Variants in KIFAP3 observed in about 807,000 individuals in gnomAD.
KIFAP3 encodes kinesin associated protein 3, also known as kinesin-associated protein 3.
A neutral mutation model predicts 106.5 loss-of-function variants in KIFAP3; 68 were observed. That is an observed-to-expected ratio of 0.64 (90% CI 0.53 to 0.78). The LOEUF (loss-of-function observed/expected upper bound fraction) is 0.78, where lower values mean the gene tolerates loss of function less well. KIFAP3 is among the 30% of genes least tolerant of loss of function. The probability of loss-of-function intolerance (pLI) is 0.00; values close to 1 mark genes in which losing one functional copy is unlikely to be tolerated. For missense variants in KIFAP3, 780 were observed against 941.8 expected, an observed-to-expected ratio of 0.83 and a Z score of 2.25; for synonymous variants, 320 against 311.5, an observed-to-expected ratio of 1.03 and a Z score of -0.29.
At chr1:170,057,471 G>C (rs1670908746) in intron 1 of KIFAP3, among the ~76,000 whole-genome samples, 1 of 151,650 alleles carries the variant, frequency 6.6e-6, no homozygotes, top group Admixed American at 6.6e-5. Context: ...AAACAGAAAT[G>C]AGCAAAGAAA....
At chr1:169,930,447 A>C (rs1663400449) in intron 19 of KIFAP3, among the ~76,000 whole-genome samples, 1 of 152,234 alleles carries the variant, frequency 6.6e-6, no homozygotes, top group South Asian at 2.1e-4. Context: ...GTCCTAAAAC[A>C]ATCTAAATGG....
intron 9 of KIFAP3, among the ~76,000 whole-genome samples, chr1:170,023,673 C>CA (rs1228785235): frequency 3.3e-5 from 5 of 151,974 alleles, no homozygotes; most frequent in Non-Finnish European, 7.4e-5. Flanking sequence ...TTGTACATAA[C>CA]AAAGACTTTT....
At chr1:170,062,547 A>C (rs1157252469) in intron 1 of KIFAP3, among the ~76,000 whole-genome samples, 1 of 152,088 alleles carries the variant, frequency 6.6e-6, no homozygotes, top group Non-Finnish European at 1.5e-5. Context: ...AATTTCTTCC[A>C]TGTTCTAAAT....
At chr1:169,998,886 C>T (rs565957445) in intron 10 of KIFAP3, among the ~76,000 whole-genome samples, 2 of 152,224 alleles carry the variant, frequency 1.3e-5, no homozygotes, top group African/African-American at 4.8e-5. Flanking sequence ...CCTATAACTT[C>T]ACGGCATCTA....
intron 9 of KIFAP3, among the ~76,000 whole-genome samples, chr1:170,023,821 A>G (rs1038221628): frequency 6.6e-6 from 1 of 152,132 alleles, no homozygotes; most frequent in African/African-American, 2.4e-5. Flanking sequence ...ACAGTAAAAG[A>G]TGGCAAATGA....
intron 5 of KIFAP3, among the ~76,000 whole-genome samples, chr1:170,035,918 T>C (rs1669668178): frequency 6.6e-6 from 1 of 151,980 alleles, no homozygotes; most frequent in African/African-American, 2.4e-5. Context: ...CTTTTTAACA[T>C]CTGATTTAAT....
At chr1:170,073,680 G>A (rs971364367) in intron 1 of KIFAP3, among the ~76,000 whole-genome samples, 1 of 151,732 alleles carries the variant, frequency 6.6e-6, no homozygotes, top group Non-Finnish European at 1.5e-5. Flanking sequence ...TTGGATCACT[G>A]CTTACTCTTG....
chr1:169,951,462 C>T (rs1374153988), intron 19 of KIFAP3, among the ~76,000 whole-genome samples: 1 of 151,810 alleles, frequency 6.6e-6, no homozygotes, highest in East Asian at 1.9e-4. Context: ...AAGCTACTTA[C>T]ATATTTTTAC....
intron 2 of KIFAP3, among the ~76,000 whole-genome samples, chr1:170,047,642 A>G (rs977218598): frequency 6.6e-6 from 1 of 151,170 alleles, no homozygotes; most frequent in Non-Finnish European, 1.5e-5. Context: ...AAAAAAAAAA[A>G]AAGTGAGATC....
intron 1 of KIFAP3, 46 bp downstream of exon 1, chr1:170,074,390 A>C (rs373168060): frequency 2.2e-5 from 36 of 1,606,858 alleles, no homozygotes; most frequent in Non-Finnish European, 3.0e-5. Flanking sequence ...GAACATCTTC[A>C]GGGCCCTGGC....
chr1:169,949,788 C>T (rs1429092736), intron 19 of KIFAP3, among the ~76,000 whole-genome samples: 2 of 152,016 alleles, frequency 1.3e-5, no homozygotes, highest in East Asian at 3.9e-4. Flanking sequence ...CCTTAGAGCC[C>T]TAATGCATTT....
At chr1:169,986,792 C>G (rs897268237) in intron 11 of KIFAP3, among the ~76,000 whole-genome samples, 4 of 151,728 alleles carry the variant, frequency 2.6e-5, no homozygotes, top group Non-Finnish European at 4.4e-5. Context: ...TTATTGCTAA[C>G]AAAAAGTATT....
At chr1:170,023,629 A>G (rs990314898) in intron 9 of KIFAP3, among the ~76,000 whole-genome samples, 1 of 152,146 alleles carries the variant, frequency 6.6e-6, no homozygotes, top group African/African-American at 2.4e-5. Context: ...TCTGAAAACA[A>G]GGTAGGTTAA....
At chr1:170,061,041 C>T (rs969907868) in intron 1 of KIFAP3, among the ~76,000 whole-genome samples, 13 of 152,306 alleles carry the variant, frequency 8.5e-5, no homozygotes, top group African/African-American at 3.1e-4. Flanking sequence ...AAATGTTAGA[C>T]CTAAAACCAT....
chr1:170,022,503 G>A (rs1571682967), intron 9 of KIFAP3, among the ~76,000 whole-genome samples: 1 of 151,832 alleles, frequency 6.6e-6, no homozygotes, highest in East Asian at 1.9e-4. Flanking sequence ...TATCTCTCTA[G>A]ATACTCTAAT....
At chr1:170,076,357 G>A (rs75980241), upstream of KIFAP3, among the ~76,000 whole-genome samples, 4 of 152,306 alleles carry the variant, frequency 2.6e-5, no homozygotes, top group East Asian at 7.7e-4. Flanking sequence ...AAAAGTACAA[G>A]ATGAGCCTGG....
rs1669817830 is a variant in KIFAP3 at position 170,038,735 on chromosome 1, TTA to T, written c.376-306_376-305del. Among the ~76,000 whole-genome samples the T allele has an allele frequency of 2.6e-5, 4 of 152,200 alleles. No homozygotes were observed. In the South Asian group the frequency reaches 6.2e-4, roughly 24 times the overall value. ...AGATTAAACAATATTTCAAAACGTA[TTA>T]CAATAAGAATATGTAAACATTTTTA... On this transcript the variant is annotated intron_variant, in intron 4 of 19. Coordinates refer to ENST00000361580, the MANE Select transcript of KIFAP3 (RefSeq NM_014970.4).
chr1:170,074,060 G>C (rs1256747427), intron 1 of KIFAP3, among the ~76,000 whole-genome samples: 1 of 151,904 alleles, frequency 6.6e-6, no homozygotes, highest in Non-Finnish European at 1.5e-5. Flanking sequence ...GGATGCACCA[G>C]ACTTTATTCC....
chr1:170,044,562 C>A (rs1196615422), intron 3 of KIFAP3, among the ~76,000 whole-genome samples: 4 of 152,202 alleles, frequency 2.6e-5, no homozygotes, highest in Non-Finnish European at 5.9e-5. Context: ...ATCATGACAT[C>A]TGAAATACCC....
Sources: allele counts gnomAD v4.1 joint callset (sites outside exome capture counted in the v4.1 genomes callset), GRCh38; gene constraint gnomAD v4.1.1; transcripts MANE v1.5; gene names NCBI Gene and HGNC (gene_info 2026-07-23, HGNC 2026-07-21).